Variants in NUP85 observed in about 807,000 individuals in gnomAD.
The protein encoded by NUP85 is nuclear pore complex protein Nup85.
NUP85 carries 23 observed loss-of-function variants against 92.8 expected under a neutral mutation model. The observed-to-expected ratio is 0.25, with a 90% confidence interval of 0.18 to 0.35. The LOEUF is 0.35. Ranked by LOEUF, NUP85 falls within the 10% of genes least tolerant of loss-of-function variation. NUP85 has a pLI of 1.00. For missense variants in NUP85, 759 were observed against 822.8 expected (o/e 0.92, Z 0.95); for synonymous variants, 314 against 306.9 (o/e 1.02, Z -0.24).
At chr17:75,225,889 T>A (rs1353123833) in intron 10 of NUP85, 60 bp downstream of exon 10, 1 of 1,606,148 alleles carries the variant, frequency 6.2e-7, no homozygotes, top group Non-Finnish European at 8.5e-7. Flanking sequence ...CCCTGATGGG[T>A]CATTCTCTTT....
intron 5 of NUP85, among the ~76,000 whole-genome samples, chr17:75,213,541 C>A (rs1007232552): frequency 2.0e-5 from 3 of 152,068 alleles, no homozygotes; most frequent in African/African-American, 7.2e-5. Flanking sequence ...GATCCACCCG[C>A]CTCGACCTCC....
At chr17:75,235,550 G>C in intron 18 of NUP85, 28 bp from the exon 19 acceptor site, 3 of 1,556,762 alleles carry the variant, frequency 1.9e-6, no homozygotes, top group Non-Finnish European at 2.7e-6. Flanking sequence ...CCTGCTCTTA[G>C]CTCATGCTGG....
intron 11 of NUP85, chr17:75,226,672 C>T (rs556083246): frequency 1.3e-5 from 5 of 398,270 alleles, no homozygotes; most frequent in Non-Finnish European, 2.5e-5. Flanking sequence ...TAGATAATGG[C>T]TTTTCTCTGG....
chr17:75,206,968 A>G (rs1292935568), intron 1 of NUP85, among the ~76,000 whole-genome samples: 1 of 151,984 alleles, frequency 6.6e-6, no homozygotes, highest in African/African-American at 2.4e-5. Flanking sequence ...CGGCCTCCCA[A>G]AGTGCTGGGA....
chr17:75,211,899 C>G lies in NUP85; in HGVS notation c.291-93C>G, dbSNP rs564229163. The stretch of plus-strand genomic sequence containing the variant: ...TTCACAACGGCTCTCCTCTTTCTTT[C>G]AGCAAATTTCTGCATTTATTTGAGT... On this transcript the variant is annotated intron_variant, in intron 3 of 18. Transcript: ENST00000245544. 4.9e-5 allele frequency: 49 copies of G among 1,001,192 alleles called. No individual in the cohort carries two copies. The African/African-American group carries it at 7.4e-4, about 15-fold the overall frequency. The allele number at this position is 1,001,192 out of a possible 1,614,324, so 62.0% of individuals were successfully genotyped here.
chr17:75,225,297 A>G, intron 8 of NUP85, 45 bp from the exon 9 acceptor site: 1 of 1,613,006 alleles, frequency 6.2e-7, no homozygotes, highest in South Asian at 1.1e-5. Context: ...ACTAAATATA[A>G]AGGGTGTGGA....
rs572513137 is a variant in NUP85 at position 75,233,098 on chromosome 17, T to G, written c.1555T>G (p.Leu519Val). The G allele has an allele frequency of 6.2e-7, 1 of 1,614,122 alleles. No homozygotes were observed. Among genetic ancestry groups the G allele is most frequent in the Non-Finnish European group, 8.5e-7 (1 of 1,180,016 alleles). ...CTGTGAGCGAGGCTGCTTTTCTGATTTGGATCTCATTGACAACCTGGGGCC... is the reference window on the plus strand; with the variant it reads ...CTGTGAGCGAGGCTGCTTTTCTGATGTGGATCTCATTGACAACCTGGGGCC... ...DYCERGCFSD[L>V]DLIDNLGPAM... The change falls in exon 16 of 19, where the codon TTG becomes GTG. Residue 519 changes from leucine to valine, a missense_variant. Transcript: ENST00000245544.
intron 1 of NUP85, 78 bp from the exon 2 acceptor site, chr17:75,208,440 CAAAAAAAAA>C (rs10579016): frequency 7.3e-5 from 42 of 577,092 alleles, no homozygotes; most frequent in East Asian, 2.5e-4. Context: ...GTCTTTGTCT[CAAAAAAAAA>C]AAAAAAAAAA....
intron 14 of NUP85, 132 bp from the exon 15 acceptor site, chr17:75,232,719 A>T: frequency 1.3e-6 from 1 of 789,868 alleles, no homozygotes; most frequent in East Asian, 2.5e-5. Context: ...CTGCCGATCC[A>T]GCTGCATTTA....
chr17:75,221,024 G>A (rs1178832500), intron 7 of NUP85, among the ~76,000 whole-genome samples: 1 of 151,500 alleles, frequency 6.6e-6, no homozygotes, highest in Non-Finnish European at 1.5e-5. Context: ...TGGGACCACG[G>A]GCGCCTGCCA....
intron 11 of NUP85, among the ~76,000 whole-genome samples, chr17:75,230,362 GT>G (rs776931400): frequency 7.9e-4 from 58 of 73,654 alleles, no homozygotes; most frequent in African/African-American, 1.7e-3. Flanking sequence ...CATGTTTTTT[GT>G]TTTTTTTTTT....
intron 11 of NUP85, 127 bp downstream of exon 11, chr17:75,226,284 A>C: frequency 4.4e-6 from 3 of 678,008 alleles, no homozygotes; most frequent in Non-Finnish European, 5.2e-6. Flanking sequence ...AGTCCATCTC[A>C]CGCTGATATT....
chr17:75,210,048 A>C, intron 3 of NUP85, 63 bp downstream of exon 3: 3 of 1,504,190 alleles, frequency 2.0e-6, no homozygotes, highest in Non-Finnish European at 2.7e-6. Context: ...AATGAAGTAC[A>C]TTGTTGTCTT....
intron 7 of NUP85, 100 bp downstream of exon 7, chr17:75,218,406 G>A: frequency 6.9e-7 from 1 of 1,454,612 alleles, no homozygotes; most frequent in Admixed American, 1.8e-5. Context: ...GCAGTAGGCT[G>A]GCTTTTGGAG....
intron 15 of NUP85, 31 bp from the exon 16 acceptor site, chr17:75,233,027 G>A (rs754487507): frequency 1.7e-5 from 27 of 1,613,064 alleles, no homozygotes; most frequent in African/African-American, 2.7e-5. Context: ...GCCTGAGACT[G>A]CTGCTCTGAT....
At chr17:75,220,201 T>C (rs1428781768) in intron 7 of NUP85, among the ~76,000 whole-genome samples, 2 of 152,020 alleles carry the variant, frequency 1.3e-5, no homozygotes, top group African/African-American at 2.4e-5. Flanking sequence ...CTCAGCTCAC[T>C]GCGACCTCTG....
At chr17:75,212,713 G>T (rs2075313892) in intron 4 of NUP85, among the ~76,000 whole-genome samples, 1 of 151,910 alleles carries the variant, frequency 6.6e-6, no homozygotes, top group Admixed American at 6.6e-5. Flanking sequence ...TAGAAACGGG[G>T]TCTCCCTAAT....
chr17:75,225,506 TG>T, intron 9 of NUP85, 42 bp downstream of exon 9: 2 of 1,602,062 alleles, frequency 1.2e-6, no homozygotes, highest in East Asian at 4.5e-5. Context: ...TGGCTTCCTA[TG>T]GGGGCTGTGG....
chr17:75,233,723 C>T (rs1238157368), intron 16 of NUP85, among the ~76,000 whole-genome samples: 2 of 151,956 alleles, frequency 1.3e-5, no homozygotes, highest in Admixed American at 6.6e-5. Flanking sequence ...CTCAGCCTCC[C>T]AAGTAGCTGG....
Sources: gnomAD v4.1 joint callset for allele counts (sites outside exome capture counted in the v4.1 genomes callset) on GRCh38, gnomAD v4.1.1 for gene constraint, MANE v1.5 for transcripts, NCBI Gene and HGNC (gene_info 2026-07-23, HGNC 2026-07-21) for gene names.